NTM: variants seen among roughly 807,000 people sequenced by gnomAD.
NTM encodes the protein IgLON family member 2.
NTM carries 13 observed loss-of-function variants against 42.1 expected under a neutral mutation model. The ratio of observed to expected loss-of-function variants is 0.31; its 90% CI spans 0.20 to 0.49. The LOEUF is 0.49. NTM is among the 20% of genes least tolerant of loss of function. The pLI is 0.99. For missense variants in NTM, 373 were observed against 452.8 expected, an observed-to-expected ratio of 0.82 and a Z score of 1.60; for synonymous variants, 187 against 179.2, an observed-to-expected ratio of 1.04 and a Z score of -0.35.
chr11:131,661,309 T>G, intron 1 of NTM: 1 of 239,592 alleles, frequency 4.2e-6, no homozygotes, highest in Non-Finnish European at 8.5e-6. Flanking sequence ...TCAGCTACAT[T>G]GCTGTGAGTA....
At chr11:131,392,431 T>A (rs2135598594) in intron 1 of NTM, among the ~76,000 whole-genome samples, 1 of 152,324 alleles carries the variant, frequency 6.6e-6, no homozygotes. Context: ...GAGTCCTCTG[T>A]GCAACCACAG....
At chr11:131,958,143 C>G (rs899784967) in intron 2 of NTM, among the ~76,000 whole-genome samples, 3 of 151,564 alleles carry the variant, frequency 2.0e-5, no homozygotes, top group African/African-American at 4.9e-5. Flanking sequence ...ATTAATGGAT[C>G]TGAGATTTTC....
chr11:131,472,672 G>C (rs1048941700), intron 1 of NTM, among the ~76,000 whole-genome samples: 3 of 152,112 alleles, frequency 2.0e-5, no homozygotes, highest in Non-Finnish European at 4.4e-5. Context: ...GAGGAGAAGG[G>C]GGTAAGTGTA....
chr11:131,759,940 A>G (rs1256916246), intron 1 of NTM, among the ~76,000 whole-genome samples: 1 of 152,178 alleles, frequency 6.6e-6, no homozygotes, highest in Non-Finnish European at 1.5e-5. Flanking sequence ...AAAAAACTAA[A>G]TAACTTTCCT....
intron 2 of NTM, among the ~76,000 whole-genome samples, chr11:132,047,099 C>A (rs996213623): frequency 6.6e-6 from 1 of 152,208 alleles, no homozygotes; most frequent in African/African-American, 2.4e-5. Flanking sequence ...GAATGTAGGT[C>A]TGTCTATTTC....
chr11:131,510,011 C>T (rs934928729), intron 1 of NTM, among the ~76,000 whole-genome samples: 8 of 151,932 alleles, frequency 5.3e-5, no homozygotes, highest in Non-Finnish European at 1.0e-4. Flanking sequence ...GGCCAGAGGC[C>T]AGTTTCCCAC....
chr11:131,495,719 C>G (rs1404619171), intron 1 of NTM, among the ~76,000 whole-genome samples: 1 of 152,194 alleles, frequency 6.6e-6, no homozygotes, highest in Non-Finnish European at 1.5e-5. Flanking sequence ...AACATTCAAG[C>G]CCCAGACTGC....
intron 1 of NTM, among the ~76,000 whole-genome samples, chr11:131,750,255 C>T (rs954502728): frequency 2.6e-5 from 4 of 152,242 alleles, no homozygotes; most frequent in Admixed American, 2.0e-4. Flanking sequence ...AGGATCTACA[C>T]ATCTGTGTGT....
intron 1 of NTM, among the ~76,000 whole-genome samples, chr11:131,497,530 G>A (rs1955478936): frequency 6.6e-6 from 1 of 152,080 alleles, no homozygotes; most frequent in Non-Finnish European, 1.5e-5. Flanking sequence ...GAGTCTACAT[G>A]ATGTGTGGTG....
chr11:131,816,733 A>G (rs115879034), intron 1 of NTM, among the ~76,000 whole-genome samples: 2,932 of 152,190 alleles, frequency 0.019, 89 homozygotes, highest in African/African-American at 0.066. Flanking sequence ...TTCTGTAGGT[A>G]TCTTTCCTAG....
chr11:131,723,839 T>G (rs2135420183), intron 1 of NTM, among the ~76,000 whole-genome samples: 1 of 152,186 alleles, frequency 6.6e-6, no homozygotes, highest in East Asian at 1.9e-4. Context: ...TGTGTGTGTG[T>G]GTGCATGAGA....
chr11:131,512,575 C>A (rs58285052), intron 1 of NTM, among the ~76,000 whole-genome samples: 3,432 of 152,304 alleles, frequency 0.023, 130 homozygotes, highest in African/African-American at 0.076. Context: ...CTCTACTGCC[C>A]TCAGTTTCTC....
At chr11:132,187,030 A>T (rs181667827) in intron 3 of NTM, among the ~76,000 whole-genome samples, 4 of 152,328 alleles carry the variant, frequency 2.6e-5, no homozygotes, top group Admixed American at 2.0e-4. Context: ...GAGTGCCAGG[A>T]TCCACATCTG....
At chr11:131,476,791 A>T (rs548257470) in intron 1 of NTM, among the ~76,000 whole-genome samples, 1 of 79,906 alleles carries the variant, frequency 1.3e-5, no homozygotes, top group East Asian at 3.3e-4. Flanking sequence ...TACTCAGCCC[A>T]CATAGGCGGA....
intron 2 of NTM, among the ~76,000 whole-genome samples, chr11:131,912,070 C>T (rs1472532636): frequency 2.6e-5 from 4 of 152,192 alleles, no homozygotes; most frequent in Non-Finnish European, 5.9e-5. Context: ...TGAATGCCCC[C>T]ACTCGCCCAT....
chr11:131,951,038 C>T (rs2060925972), intron 2 of NTM, among the ~76,000 whole-genome samples: 1 of 152,128 alleles, frequency 6.6e-6, no homozygotes, highest in Non-Finnish European at 1.5e-5. Flanking sequence ...TTTGCTGCTG[C>T]CCAGGCTGCT....
At chr11:131,530,445 A>T (rs1020106957) in intron 1 of NTM, among the ~76,000 whole-genome samples, 3 of 143,298 alleles carry the variant, frequency 2.1e-5, no homozygotes, top group Non-Finnish European at 4.4e-5. Context: ...AAAAAAAAAG[A>T]CTGACCAGTT....
At chr11:131,997,654 T>G (rs1451579551) in intron 2 of NTM, among the ~76,000 whole-genome samples, 1 of 152,196 alleles carries the variant, frequency 6.6e-6, no homozygotes, top group African/African-American at 2.4e-5. Context: ...TTTCTTTTCC[T>G]TTTTATCTTT....
At chr11:132,038,780 G>A (rs1229286159) in intron 2 of NTM, among the ~76,000 whole-genome samples, 1 of 152,158 alleles carries the variant, frequency 6.6e-6, no homozygotes, top group Admixed American at 6.5e-5. Context: ...AATCAGGCAA[G>A]TTGGGCCCCA....
Sources: allele counts gnomAD v4.1 joint callset (sites outside exome capture counted in the v4.1 genomes callset), GRCh38; gene constraint gnomAD v4.1.1; transcripts MANE v1.5; gene names NCBI Gene and HGNC (gene_info 2026-07-23, HGNC 2026-07-21).